The following HMGN5 variants were observed in gnomAD, a reference collection of about 807,000 sequenced individuals.
HMGN5 encodes the protein high mobility group nucleosome binding domain 5.
In HMGN5, 4 loss-of-function variants were observed where a neutral mutation model predicts 9.5. That is an observed-to-expected ratio of 0.42 (90% CI 0.21 to 0.96). HMGN5 has a LOEUF of 0.96. HMGN5 is among the 40% of genes least tolerant of loss of function. The pLI is 0.30. For missense variants in HMGN5, 192 were observed against 187.5 expected (o/e 1.02, Z -0.14); for synonymous variants, 55 against 57.1 (o/e 0.96, Z 0.16).
At chrX:81,142,373 C>A (rs1489674437) in intron 1 of HMGN5, among the ~76,000 whole-genome samples, 1 of 111,616 alleles carries the variant, frequency 9.0e-6, no homozygotes, top group East Asian at 2.8e-4. Flanking sequence ...GGTTATACAA[C>A]ACCAAGCAGA....
intron 2 of HMGN5, among the ~76,000 whole-genome samples, chrX:81,120,486 G>A (rs2075265680): frequency 9.0e-6 from 1 of 111,131 alleles, no homozygotes; most frequent in African/African-American, 3.3e-5. Flanking sequence ...AGAAACAGTT[G>A]TTTTCCATAT....
At chrX:81,139,513 AC>A (rs1430946055) in intron 1 of HMGN5, among the ~76,000 whole-genome samples, 13 of 111,424 alleles carry the variant, frequency 1.2e-4, no homozygotes, top group African/African-American at 3.3e-4. Context: ...AAAAAAAAAA[AC>A]ATCTTCATAA....
At chrX:81,196,698 C>A (rs187594694) in intron 1 of HMGN5, among the ~76,000 whole-genome samples, 19 of 110,011 alleles carry the variant, frequency 1.7e-4, no homozygotes, top group Non-Finnish European at 2.8e-4. Flanking sequence ...GCCACCACCA[C>A]GCCTGGCTAA....
intron 1 of HMGN5, among the ~76,000 whole-genome samples, chrX:81,140,507 G>C (rs1004445671): frequency 1.9e-5 from 2 of 103,607 alleles, no homozygotes; most frequent in Non-Finnish European, 4.0e-5. Context: ...TTGCAGTGAG[G>C]CGAGATCGCG....
intron 5 of HMGN5, among the ~76,000 whole-genome samples, chrX:81,117,197 T>C (rs747242343): frequency 9.0e-6 from 1 of 110,617 alleles, no homozygotes; most frequent in African/African-American, 3.3e-5. Flanking sequence ...GAGGGTAAAG[T>C]CTATGGTTAT....
chrX:81,124,376 A>G (rs1037771840), intron 1 of HMGN5, among the ~76,000 whole-genome samples: 6 of 112,158 alleles, frequency 5.3e-5, no homozygotes, highest in Non-Finnish European at 9.4e-5. Context: ...ATCTTCACCT[A>G]TCAAATGTTT....
Position 81,115,217 on chromosome X carries a change from T to A in HMGN5, c.281A>T (p.Glu94Val), listed in dbSNP as rs867048831. 8.5e-7 allele frequency: 1 copy of A among 1,172,900 alleles called. No individual in the cohort carries two copies. Among genetic ancestry groups the A allele is most frequent in the Non-Finnish European group, 1.1e-6 (1 of 881,067 alleles). Reference sequence around the variant, plus strand: ...TTCTTTTACTTCCACAATTTCTTTTTCAGAAGCTGGTGCCTGTAAGTATAG... The same window carrying A: ...TTCTTTTACTTCCACAATTTCTTTTACAGAAGCTGGTGCCTGTAAGTATAG... ...EAKITEAPAS[E>V]KEIVEVKEEN... Residue 94 changes from glutamate to valine, a missense_variant, in exon 7 of 7, where the codon GAA becomes GTA. By Grantham distance (121) the Glu-to-Val change is moderately radical. Coordinates refer to ENST00000358130, the MANE Select transcript of HMGN5 (RefSeq NM_030763.3).
chrX:81,176,343 G>T (rs751404579), intron 1 of HMGN5, among the ~76,000 whole-genome samples: 2 of 111,939 alleles, frequency 1.8e-5, no homozygotes, highest in Non-Finnish European at 3.8e-5. Flanking sequence ...GAGCAGAAAA[G>T]TTGAAAATTC....
chrX:81,145,421 G>C (rs894930602), intron 1 of HMGN5, among the ~76,000 whole-genome samples: 2 of 111,771 alleles, frequency 1.8e-5, no homozygotes, highest in African/African-American at 6.5e-5. Flanking sequence ...ATAAGTGAAA[G>C]AGAAATAAAA....
intron 1 of HMGN5, among the ~76,000 whole-genome samples, chrX:81,138,980 G>T (rs1342484422): frequency 1.8e-5 from 2 of 111,647 alleles, no homozygotes; most frequent in East Asian, 2.8e-4. Context: ...CATAAAAAAA[G>T]AAATGGAGAG....
intron 1 of HMGN5, among the ~76,000 whole-genome samples, chrX:81,127,546 T>C (rs1375677167): frequency 9.4e-6 from 1 of 106,847 alleles, no homozygotes; most frequent in Non-Finnish European, 1.9e-5. Context: ...TTTTCTTCAG[T>C]TTGTGTTATG....
At chrX:81,120,680 A>G (rs1300782124) in intron 2 of HMGN5, among the ~76,000 whole-genome samples, 1 of 111,625 alleles carries the variant, frequency 9.0e-6, no homozygotes, top group East Asian at 2.8e-4. Flanking sequence ...CCAAGCAATG[A>G]AACAGCGTTC....
At chrX:81,192,932 T>C (rs929661349) in intron 1 of HMGN5, among the ~76,000 whole-genome samples, 1 of 111,673 alleles carries the variant, frequency 9.0e-6, no homozygotes, top group Non-Finnish European at 1.9e-5. Flanking sequence ...TGTGCTTTTC[T>C]AGTCTTTAGT....
At chrX:81,201,440 C>A (rs1165351659) in intron 1 of HMGN5, among the ~76,000 whole-genome samples, 2 of 111,697 alleles carry the variant, frequency 1.8e-5, no homozygotes, top group African/African-American at 6.5e-5. Context: ...TCTTTTTACA[C>A]AATATTTTCA....
chrX:81,185,148 G>T (rs2075473856), intron 1 of HMGN5, among the ~76,000 whole-genome samples: 1 of 111,633 alleles, frequency 9.0e-6, no homozygotes, highest in Non-Finnish European at 1.9e-5. Context: ...TTTTTGTTCT[G>T]TTAAGAATGT....
chrX:81,156,697 A>G (rs1456805530), intron 1 of HMGN5, among the ~76,000 whole-genome samples: 3 of 111,581 alleles, frequency 2.7e-5, no homozygotes, highest in African/African-American at 9.8e-5. Flanking sequence ...TACTTTGCTC[A>G]CCACTGTATC....
At chrX:81,154,286 G>T (rs147686966) in intron 1 of HMGN5, among the ~76,000 whole-genome samples, 165 of 111,503 alleles carry the variant, frequency 1.5e-3, no homozygotes, top group Non-Finnish European at 1.4e-3. Flanking sequence ...TCAATATATG[G>T]TGCTGGGAAA....
intron 1 of HMGN5, among the ~76,000 whole-genome samples, chrX:81,192,504 C>A (rs1271261188): frequency 1.8e-5 from 2 of 111,712 alleles, no homozygotes; most frequent in African/African-American, 6.5e-5. Flanking sequence ...TTTAAACTCA[C>A]AAGACATTTG....
intron 1 of HMGN5, among the ~76,000 whole-genome samples, chrX:81,121,888 G>C (rs1180450217): frequency 8.9e-6 from 1 of 112,673 alleles, no homozygotes; most frequent in African/African-American, 3.2e-5. Context: ...GGCGGAGCAC[G>C]CGAACTTAGC....
Sources: gnomAD v4.1 joint callset for allele counts (sites outside exome capture counted in the v4.1 genomes callset) on GRCh38, gnomAD v4.1.1 for gene constraint, MANE v1.5 for transcripts, NCBI Gene and HGNC (gene_info 2026-07-23, HGNC 2026-07-21) for gene names.